The following CCDC171 variants were observed in gnomAD, a reference collection of about 807,000 sequenced individuals.
CCDC171 encodes the protein coiled-coil domain-containing protein 171.
A neutral mutation model predicts 168.2 loss-of-function variants in CCDC171; 177 were observed. The ratio of observed to expected loss-of-function variants is 1.05; its 90% CI spans 0.93 to 1.19. The LOEUF is 1.19. Ranked by LOEUF, CCDC171 falls within the 50% of genes most tolerant of loss-of-function variation. The pLI, the probability that CCDC171 is intolerant of heterozygous loss-of-function variation, is 0.00. For missense variants in CCDC171, 1,991 were observed against 1,539.0 expected (o/e 1.29, Z -4.91); for synonymous variants, 687 against 540.8 (o/e 1.27, Z -3.75).
At chr9:15,624,533 A>C (rs1020888034) in intron 7 of CCDC171, among the ~76,000 whole-genome samples, 1 of 152,128 alleles carries the variant, frequency 6.6e-6, no homozygotes, top group East Asian at 1.9e-4. Flanking sequence ...TCATTGTTCA[A>C]TTCTCACCTA....
chr9:15,760,437 T>C (rs969784296), intron 18 of CCDC171, among the ~76,000 whole-genome samples: 2 of 152,332 alleles, frequency 1.3e-5, no homozygotes, highest in South Asian at 4.1e-4. Context: ...GGTTAAGAAC[T>C]TGGACTCTAG....
intron 6 of CCDC171, among the ~76,000 whole-genome samples, chr9:15,599,066 G>C (rs2042617182): frequency 6.6e-6 from 1 of 152,152 alleles, no homozygotes; most frequent in African/African-American, 2.4e-5. Context: ...TGGGTCTCCT[G>C]AATACAGCAC....
intron 21 of CCDC171, among the ~76,000 whole-genome samples, chr9:15,822,001 C>T (rs990153803): frequency 1.3e-5 from 2 of 152,114 alleles, no homozygotes; most frequent in African/African-American, 4.8e-5. Flanking sequence ...GACCCCGGAA[C>T]ACAACAGAGC....
intron 7 of CCDC171, 113 bp from the exon 8 acceptor site, chr9:15,657,014 A>AG: frequency 4.9e-5 from 23 of 473,986 alleles, no homozygotes; most frequent in East Asian, 4.2e-4. Flanking sequence ...AAAAAAAAAA[A>AG]TGAGGCTGCA....
chr9:15,964,952 G>A (rs972417146), intron 25 of CCDC171, among the ~76,000 whole-genome samples: 2 of 151,998 alleles, frequency 1.3e-5, no homozygotes, highest in African/African-American at 2.4e-5. Flanking sequence ...AAGCAGAGAC[G>A]GGTTTTCACC....
intron 21 of CCDC171, among the ~76,000 whole-genome samples, chr9:15,809,543 C>T (rs1229737465): frequency 3.3e-5 from 5 of 152,024 alleles, no homozygotes; most frequent in East Asian, 1.9e-4. Context: ...TTCGTGGTCT[C>T]GCTGACTTCA....
At chr9:15,793,342 CAA>C (rs749020656) in intron 21 of CCDC171, among the ~76,000 whole-genome samples, 1 of 151,894 alleles carries the variant, frequency 6.6e-6, no homozygotes, top group African/African-American at 2.4e-5. Context: ...TAGAGACCTA[CAA>C]AGAGACTTAG....
chr9:15,658,423 G>A (rs893211096), intron 8 of CCDC171, among the ~76,000 whole-genome samples: 1 of 152,254 alleles, frequency 6.6e-6, no homozygotes, highest in Non-Finnish European at 1.5e-5. Context: ...TCAAGACAAC[G>A]ACTGTAGCAA....
At chr9:15,622,704 A>G (rs1027651819) in intron 6 of CCDC171, among the ~76,000 whole-genome samples, 7 of 152,236 alleles carry the variant, frequency 4.6e-5, no homozygotes, top group African/African-American at 1.7e-4. Flanking sequence ...AGATTTTAGT[A>G]TAAGACTACC....
chr9:15,828,912 CCTT>C (rs1487924730), intron 21 of CCDC171, among the ~76,000 whole-genome samples: 1 of 152,100 alleles, frequency 6.6e-6, no homozygotes, highest in African/African-American at 2.4e-5. Flanking sequence ...TGAGGTTTCT[CCTT>C]CTTGACTGGC....
chr9:15,593,275 C>T (rs1443172016), intron 5 of CCDC171, among the ~76,000 whole-genome samples: 1 of 152,098 alleles, frequency 6.6e-6, no homozygotes, highest in Non-Finnish European at 1.5e-5. Flanking sequence ...ACTTTTTCTT[C>T]TGTTAATGGG....
In CCDC171 at chr9:15,623,467, G is replaced by GCGCGCGCGCGCA. The variant is rs1554714801; in HGVS notation, c.822+63_822+64insGCACGCGCGCGC. 2.0e-5 allele frequency: 12 copies of GCGCGCGCGCGCA among 587,398 alleles called. 2 individuals are homozygous for GCGCGCGCGCGCA. The East Asian group carries it at 4.4e-4, about 21-fold the overall frequency. The allele number at this position is 587,398 out of a possible 1,614,324, so 36.4% of individuals were successfully genotyped here. A position where few individuals can be genotyped will look rare whatever the true frequency, so the allele number is the denominator to read the frequency against. On this transcript the variant is annotated intron_variant, in intron 7 of 25. Transcript: ENST00000380701. The stretch of plus-strand genomic sequence containing the variant: ...TATGCGTACAAACTTTCACATATGC[G>GCGCGCGCGCGCA]CGCGCGCGCACACACACACACACAC...
chr9:15,681,063 A>G (rs968565312), intron 10 of CCDC171, among the ~76,000 whole-genome samples: 1 of 152,008 alleles, frequency 6.6e-6, no homozygotes, highest in East Asian at 1.9e-4. Flanking sequence ...TTTTTTTTCT[A>G]AAACATTTAC....
Position 15,817,450 on chromosome 9 carries a change from G to C in CCDC171, c.3268-29252G>C, listed in dbSNP as rs1205342043. Among the ~76,000 whole-genome samples the C allele has an allele frequency of 2.5e-5, 3 of 118,322 alleles. No individual in the cohort carries two copies. The East Asian group carries it at 6.4e-4, about 25-fold the overall frequency. The allele number at this position is 118,322 out of a possible 152,430, so 77.6% of individuals were successfully genotyped here. ...CAGGGAATTCCCTTTCCTAGTCAAA[G>C]AAAGGAGTGACAGAGGGCACCTGGA... On this transcript the variant is annotated intron_variant, in intron 21 of 25. Transcript: ENST00000380701.
chr9:15,893,518 T>C (rs1434927664), intron 24 of CCDC171, among the ~76,000 whole-genome samples: 2 of 151,840 alleles, frequency 1.3e-5, no homozygotes, highest in Admixed American at 6.6e-5. Flanking sequence ...TGAGAGAAAA[T>C]TTTTGCAATT....
chr9:15,573,938 T>C (rs1043778643), intron 3 of CCDC171, among the ~76,000 whole-genome samples: 14 of 151,950 alleles, frequency 9.2e-5, no homozygotes, highest in African/African-American at 3.1e-4. Flanking sequence ...TCATAATATG[T>C]TTATAGTTGT....
At chr9:15,725,519 G>A (rs888881692) in intron 14 of CCDC171, among the ~76,000 whole-genome samples, 2 of 151,902 alleles carry the variant, frequency 1.3e-5, no homozygotes, top group Non-Finnish European at 2.9e-5. Context: ...GTGCGATCTG[G>A]GCTCATTGCA....
In CCDC171 at chr9:15,744,761, C is replaced by G. The variant is rs1161122061; in HGVS notation, c.2538C>G (p.Asp846Glu). Residue 846 changes from aspartate (D) to glutamate (E), a missense_variant, in exon 17 of 26, where the codon GAC (aspartate) becomes GAG (glutamate). Asp to Glu is a conservative substitution (Grantham distance 45). Coordinates refer to ENST00000380701, the MANE Select transcript of CCDC171 (RefSeq NM_173550.4). ...TAGTGTGCACAGGAGAGCCCCAAGA[C>G]AAGCATAAATTTCCAAGTAAGATAA... ...GMLVCTGEPQ[D>E]KHKFPKHQKE... 1.2e-6 allele frequency: 2 copies of G among 1,606,820 alleles called. No homozygotes were observed. Among genetic ancestry groups the G allele is most frequent in the Non-Finnish European group, 1.7e-6 (2 of 1,176,650 alleles).
chr9:16,007,600 A>G (rs1474175611), intron 3 of CCDC171, among the ~76,000 whole-genome samples: 3 of 152,138 alleles, frequency 2.0e-5, no homozygotes, highest in Admixed American at 1.3e-4. Flanking sequence ...ATCTTGAATT[A>G]ATTTTAGTAT....
Sources: allele counts gnomAD v4.1 joint callset (sites outside exome capture counted in the v4.1 genomes callset), GRCh38; gene constraint gnomAD v4.1.1; transcripts MANE v1.5; gene names NCBI Gene and HGNC (gene_info 2026-07-23, HGNC 2026-07-21).